Variants in DST observed in about 807,000 individuals in gnomAD.
DST encodes the protein dystonin, also known as bullous pemphigoid antigen.
Under a neutral mutation model 875.2 loss-of-function variants are expected in DST, and 253 were observed. The observed-to-expected ratio is 0.29, with a 90% CI of 0.26 to 0.32. The LOEUF is 0.32. Among genes scored for constraint, DST ranks in the 10% least tolerant of loss-of-function variants. DST has a pLI of 1.00. For missense variants in DST, 8,287 were observed against 9,111.6 expected (o/e 0.91, Z 3.68); for synonymous variants, 3,124 against 3,197.1 (o/e 0.98, Z 0.77).
intron 3 of DST, among the ~76,000 whole-genome samples, chr6:56,852,257 C>T (rs999236904): frequency 6.6e-6 from 1 of 152,200 alleles, no homozygotes; most frequent in Non-Finnish European, 1.5e-5. Flanking sequence ...ACACAAAAGA[C>T]TGTTTTCAGA....
At chr6:56,591,561 A>C (rs890029987) in intron 49 of DST, among the ~76,000 whole-genome samples, 2 of 152,196 alleles carry the variant, frequency 1.3e-5, no homozygotes, top group African/African-American at 2.4e-5. Context: ...TGGAGGAAAA[A>C]ACAGTGAACA....
Position 56,573,667 on chromosome 6 carries a change from A to C in DST, c.13236+12T>G. 6.3e-7 allele frequency: 1 copy of C among 1,581,020 alleles called. No individual in the cohort carries two copies. Among genetic ancestry groups the C allele is most frequent in the Non-Finnish European group, 8.6e-7 (1 of 1,157,256 alleles). On this transcript the variant is annotated intron_variant, in intron 51 of 103. Coordinates refer to ENST00000680361, the MANE Select transcript of DST (RefSeq NM_001374736.1). Reference sequence around the variant, plus strand: ...AAAACTGAAAATGGGACTTTTTTTTAAAGTCACTTACAATGTTTTTACTGA... The same window carrying C: ...AAAACTGAAAATGGGACTTTTTTTTCAAGTCACTTACAATGTTTTTACTGA...
intron 4 of DST, among the ~76,000 whole-genome samples, chr6:56,773,605 T>G (rs1647728735): frequency 6.6e-6 from 1 of 152,162 alleles, no homozygotes; most frequent in Admixed American, 6.6e-5. Flanking sequence ...TGTCTTCTGC[T>G]CAACCCCAAC....
At chr6:56,718,866 C>T (rs1030231220) in intron 5 of DST, among the ~76,000 whole-genome samples, 4 of 152,104 alleles carry the variant, frequency 2.6e-5, no homozygotes, top group African/African-American at 4.8e-5. Flanking sequence ...TCCATTGATA[C>T]GGAAACTTTA....
intron 75 of DST, among the ~76,000 whole-genome samples, chr6:56,507,730 A>C (rs1271485461): frequency 6.6e-6 from 1 of 152,170 alleles, no homozygotes; most frequent in Non-Finnish European, 1.5e-5. Context: ...AAGGAGCAAG[A>C]GAAAAACATA....
intron 13 of DST, 133 bp downstream of exon 13, chr6:56,648,436 AC>A (rs2098956646): frequency 1.5e-6 from 1 of 678,212 alleles, no homozygotes; most frequent in Admixed American, 3.2e-5. Context: ...AATGAGTAAT[AC>A]AAATTTTGCC....
At position 56,695,097 on chromosome 6, in the gene DST, A is replaced by G. The variant is rs113550859; in HGVS notation, c.1047+4556T>C. ...AGCCAAGATTGCACCGCTGCACTCCAGTCTGGGCGACAGAGCGAGACTCCC... is the reference window on the plus strand; with the variant it reads ...AGCCAAGATTGCACCGCTGCACTCCGGTCTGGGCGACAGAGCGAGACTCCC... On this transcript the variant is annotated intron_variant, in intron 9 of 103. Transcript: ENST00000680361. Among the ~76,000 whole-genome samples the G allele has an allele frequency of 1.4e-3, 202 of 146,958 alleles. 5 individuals carry two copies. The highest frequency in any genetic ancestry group is 4.7e-3 in the African/African-American group (183 of 38,696).
intron 4 of DST, chr6:56,851,139 T>A: frequency 1.9e-6 from 1 of 517,400 alleles, no homozygotes; most frequent in South Asian, 3.4e-5. Context: ...CAAATGTCTG[T>A]AAATATTTCC....
chr6:56,607,475 T>A lies in DST; in HGVS notation c.7153A>T (p.Ser2385Cys), dbSNP rs975537497. Residue 2385 changes from serine (S) to cysteine (C), a missense_variant, in exon 40 of 104, where the codon AGT becomes TGT. Transcript: ENST00000680361. ...AAGTTTTGAATGTTTTTAGAATGAC[T>A]ACATTCATTTGCACGTTCATTTGTT... Reference protein sequence around the residue: ...VETNERANECSHSKNIQNFPS... With the variant: ...VETNERANECCHSKNIQNFPS... 2.5e-6 allele frequency: 4 copies of A among 1,598,754 alleles called. No homozygotes were observed. Among genetic ancestry groups the A allele is most frequent in the Non-Finnish European group, 3.4e-6 (4 of 1,171,348 alleles).
At chr6:56,471,902 TGTG>T (rs1273266323) in intron 94 of DST, 154 bp downstream of exon 94, 2 of 742,536 alleles carry the variant, frequency 2.7e-6, no homozygotes, top group African/African-American at 1.7e-5. Context: ...CACACATACT[TGTG>T]GTATTTATTT....
chr6:56,892,342 C>G (rs1409529941), intron 3 of DST, among the ~76,000 whole-genome samples: 1 of 85,726 alleles, frequency 1.2e-5, no homozygotes, highest in African/African-American at 5.4e-5. Context: ...TTTTTTTTTT[C>G]AGACAGTGTC....
rs373194279 is a variant in DST, at chr6:56,843,127, G to A, written c.625+8270C>T. On this transcript the variant is annotated intron_variant, in intron 4 of 103. Transcript: ENST00000680361. ...TCCTCCACGTACAGGTAAGCAGCAG[G>A]GGAGAGGTAACCCGCCATGCCGAAG... is the stretch of plus-strand genomic sequence containing the variant. The A allele has an allele frequency of 1.0e-3, 1,564 of 1,570,180 alleles. 13 individuals are homozygous for A. The African/African-American group carries it at 0.018, about 18-fold the overall frequency.
In DST at chr6:56,855,165, G is replaced by A. The variant is rs560963444; in HGVS notation, c.418-3561C>T. On this transcript the variant is annotated intron_variant, in intron 3 of 103. Transcript: ENST00000680361. ...TAGATAGTTACAAGCCAAAAACCCA[G>A]TACAGTAAATCCTCACTTAAAATCA... Among the ~76,000 whole-genome samples, 36 of 152,254 alleles carry A rather than the reference G, an allele frequency of 2.4e-4. No homozygotes were observed. The South Asian group carries it at 7.2e-3, about 31-fold the overall frequency.
At chr6:56,591,381 C>T (rs1235750804) in intron 49 of DST, among the ~76,000 whole-genome samples, 1 of 152,166 alleles carries the variant, frequency 6.6e-6, no homozygotes, top group Non-Finnish European at 1.5e-5. Context: ...AATCCTGGTC[C>T]TTAGAACCGC....
chr6:56,760,661 A>C (rs994201578), intron 4 of DST, among the ~76,000 whole-genome samples: 4 of 152,218 alleles, frequency 2.6e-5, no homozygotes, highest in Non-Finnish European at 4.4e-5. Flanking sequence ...ATTTTCCCTT[A>C]TTCTGTCAAT....
chr6:56,528,716 C>T (rs2096844352), intron 67 of DST, 125 bp downstream of exon 67: 3 of 683,854 alleles, frequency 4.4e-6, no homozygotes, highest in Non-Finnish European at 7.6e-6. Flanking sequence ...AAGCATTCTC[C>T]AGAATAAAAG....
chr6:56,938,512 G>C (rs1314422109), intron 2 of DST, among the ~76,000 whole-genome samples: 1 of 151,998 alleles, frequency 6.6e-6, no homozygotes, highest in African/African-American at 2.4e-5. Context: ...GGAAAAGACT[G>C]TCCAGGGAAA....
intron 9 of DST, among the ~76,000 whole-genome samples, chr6:56,678,699 C>T (rs2152838960): frequency 6.6e-6 from 1 of 152,230 alleles, no homozygotes; most frequent in South Asian, 2.1e-4. Context: ...AAAAGCAGGA[C>T]ACAGATTTAC....
intron 80 of DST, among the ~76,000 whole-genome samples, chr6:56,499,183 G>A (rs1260773714): frequency 6.6e-6 from 1 of 152,028 alleles, no homozygotes; most frequent in Non-Finnish European, 1.5e-5. Flanking sequence ...CAATAGTAAA[G>A]AAAAAGAACA....
Sources: gnomAD v4.1 joint callset for allele counts (sites outside exome capture counted in the v4.1 genomes callset) on GRCh38, gnomAD v4.1.1 for gene constraint, MANE v1.5 for transcripts, NCBI Gene and HGNC (gene_info 2026-07-23, HGNC 2026-07-21) for gene names.